The following MMS19 variants were observed in gnomAD, a reference collection of about 807,000 sequenced individuals.
The protein encoded by MMS19 is MMS19 cytosolic iron-sulfur assembly component.
A neutral mutation model predicts 129.8 loss-of-function variants in MMS19; 77 were observed. The ratio of observed to expected loss-of-function variants is 0.59; its 90% CI spans 0.49 to 0.72. The LOEUF is 0.72. MMS19 is among the 30% of genes least tolerant of loss of function. The pLI, the probability that MMS19 is intolerant of heterozygous loss-of-function variation, is 0.00. For synonymous variants in MMS19, 491 were observed against 502.8 expected (o/e 0.98, Z 0.31); for missense variants, 1,168 against 1,266.3 (o/e 0.92, Z 1.18).
intron 18 of MMS19, among the ~76,000 whole-genome samples, chr10:97,464,318 A>C (rs2032856054): frequency 6.6e-6 from 1 of 152,224 alleles, no homozygotes. Flanking sequence ...GGCACAATGA[A>C]ATACATGATC....
At chr10:97,460,814 T>C (rs1232788605) in intron 24 of MMS19, 63 bp from the exon 25 acceptor site, 9 of 1,543,738 alleles carry the variant, frequency 5.8e-6, no homozygotes, top group African/African-American at 1.4e-5. Flanking sequence ...CCCTGAGACA[T>C]AGATGTTTAT....
At chr10:97,484,786 A>G (rs2037520821) in intron 1 of MMS19, among the ~76,000 whole-genome samples, 1 of 152,220 alleles carries the variant, frequency 6.6e-6, no homozygotes. Context: ...GCGTGGTGGC[A>G]TGTGCCTGTG....
chr10:97,493,582 G>T (rs1024784333), intron 1 of MMS19, among the ~76,000 whole-genome samples: 3 of 152,168 alleles, frequency 2.0e-5, no homozygotes, highest in Non-Finnish European at 4.4e-5. Flanking sequence ...CAATCACAGT[G>T]TAACAAGTTC....
chr10:97,498,762 C>A (rs17112837), upstream of MMS19: 2,117 of 284,164 alleles, frequency 7.4e-3, 42 homozygotes, highest in East Asian at 0.062. Flanking sequence ...CACATGCGCA[C>A]CTGGGGCGGG....
chr10:97,476,936 G>A lies in MMS19; in HGVS notation c.521C>T (p.Thr174Ile), dbSNP rs765996017. Reference sequence around the variant, plus strand: ...ATCCATCACCTGGATGAAGCCAAAGGTGAAGTCAGCTCCTAGGCTCTTTAG... The same window carrying A: ...ATCCATCACCTGGATGAAGCCAAAGATGAAGTCAGCTCCTAGGCTCTTTAG... ...EELKSLGADF[T>I]FGFIQVMDGE... The change falls in exon 7 of 31, where the codon ACC becomes ATC. Residue 174 changes from threonine to isoleucine, a missense_variant. Transcript: ENST00000438925. 2 of 1,613,754 alleles carry A rather than the reference G, an allele frequency of 1.2e-6. No homozygotes were observed. The highest frequency in any genetic ancestry group is 8.5e-7 in the Non-Finnish European group (1 of 1,179,800).
At position 97,460,739 on chromosome 10, in the gene MMS19, G is replaced by T; in HGVS notation, c.2425C>A (p.Leu809Ile). The T allele has an allele frequency of 6.3e-7, 1 of 1,599,302 alleles. No homozygotes were observed. The highest frequency in any genetic ancestry group is 8.5e-7 in the Non-Finnish European group (1 of 1,172,470). Residue 809 changes from leucine to isoleucine, a missense_variant, in exon 25 of 31, where the codon CTA becomes ATA. Physicochemically the swap from Leu to Ile is conservative, Grantham distance 5. Transcript: ENST00000438925. ...FTLLLWVTKA[L>I]VLRYHPLSSC... is the part of the protein sequence containing the mutation. ...CTGAGAGGATGGTATCTGAGCACTA[G>T]GGCCTTTGTTACCTGTAATTGGAGA... is the stretch of plus-strand genomic sequence containing the variant.
intron 1 of MMS19, among the ~76,000 whole-genome samples, chr10:97,488,848 G>A (rs1186819596): frequency 1.3e-5 from 2 of 152,204 alleles, no homozygotes; most frequent in Non-Finnish European, 2.9e-5. Context: ...ATTCGTAACA[G>A]TAAATGACTG....
At chr10:97,469,784 T>C in intron 10 of MMS19, 61 bp from the exon 11 acceptor site, 1 of 1,454,534 alleles carries the variant, frequency 6.9e-7, no homozygotes, top group East Asian at 2.3e-5. Context: ...GATGTGCAGG[T>C]ACCTCAGCAT....
chr10:97,480,106 G>A (rs189619664), intron 3 of MMS19: 4 of 358,284 alleles, frequency 1.1e-5, no homozygotes, highest in Admixed American at 3.9e-5. Flanking sequence ...ATGGTGCCCT[G>A]CATTTGCATA....
intron 11 of MMS19, among the ~76,000 whole-genome samples, 166 bp downstream of exon 11, chr10:97,469,480 C>T (rs545033037): frequency 6.6e-6 from 1 of 152,320 alleles, no homozygotes; most frequent in East Asian, 1.9e-4. Flanking sequence ...GGGACTCTCT[C>T]TCTTGTCATT....
At chr10:97,463,236 A>G (rs1041221538) in intron 19 of MMS19, among the ~76,000 whole-genome samples, 1 of 151,626 alleles carries the variant, frequency 6.6e-6, no homozygotes, top group Non-Finnish European at 1.5e-5. Flanking sequence ...CAGAGGCACA[A>G]TCATGCCTCA....
Position 97,493,514 on chromosome 10 carries a change from C to T in MMS19, c.112+4759G>A, listed in dbSNP as rs904485133. On this transcript the variant is annotated intron_variant, in intron 1 of 30. Transcript: ENST00000438925. ...TGAGCCCAGAAGTTCTTCGAGGTCA[C>T]ACTGCACTCCAGCTGGGGCAACAGA... 3.3e-5 allele frequency among the ~76,000 whole-genome samples: 5 copies of T among 152,232 alleles called. No individual in the cohort carries two copies. In the East Asian group the frequency reaches 9.7e-4, roughly 29 times the overall value.
chr10:97,476,507 C>T (rs1444150911), intron 8 of MMS19, among the ~76,000 whole-genome samples, 176 bp downstream of exon 8: 1 of 152,180 alleles, frequency 6.6e-6, no homozygotes, highest in Non-Finnish European at 1.5e-5. Context: ...ATACATGCTG[C>T]TTTGAATCAT....
In MMS19 at chr10:97,461,640, A is replaced by G; in HGVS notation, c.2185-18T>C. ...ATTTCCACCTACAGAAAACCTGGCCATGTAATGGACCCAGAGAACACTTGA... is the reference window on the plus strand; with the variant it reads ...ATTTCCACCTACAGAAAACCTGGCCGTGTAATGGACCCAGAGAACACTTGA... On this transcript the variant is annotated intron_variant, in intron 22 of 30. Coordinates refer to ENST00000438925, the MANE Select transcript of MMS19 (RefSeq NM_022362.5). 1.3e-6 allele frequency: 2 copies of G among 1,594,548 alleles called. No individual in the cohort carries two copies. The highest frequency in any genetic ancestry group is 1.7e-6 in the Non-Finnish European group (2 of 1,170,514).
At chr10:97,468,522 A>C in intron 12 of MMS19, 116 bp from the exon 13 acceptor site, 5 of 1,039,338 alleles carry the variant, frequency 4.8e-6, no homozygotes, top group Non-Finnish European at 5.3e-6. Context: ...GTTAACACTC[A>C]AATTGTTTTC....
intron 1 of MMS19, among the ~76,000 whole-genome samples, chr10:97,496,842 A>G (rs892176839): frequency 6.6e-6 from 1 of 152,222 alleles, no homozygotes; most frequent in African/African-American, 2.4e-5. Flanking sequence ...AAAGTATTTA[A>G]AGGAAAGTGT....
Position 97,476,879 on chromosome 10 carries a change from G to C in MMS19, c.578C>G (p.Ala193Gly), listed in dbSNP as rs535727506. 5.9e-5 allele frequency: 96 copies of C among 1,613,894 alleles called. No individual in the cohort carries two copies. The highest frequency in any genetic ancestry group is 7.8e-5 in the Non-Finnish European group (92 of 1,179,902). Reference protein sequence around the residue: ...GEKDPRNLLVAFRIVHDLISR... With the variant: ...GEKDPRNLLVGFRIVHDLISR... Reference sequence around the variant, plus strand: ...GATGAGGTCATGGACGATGCGGAAGGCCACCAGAAGATTACGGGGATCCTT... The same window carrying C: ...GATGAGGTCATGGACGATGCGGAAGCCCACCAGAAGATTACGGGGATCCTT... The change falls in exon 7 of 31, where the codon GCC becomes GGC. Residue 193 changes from alanine to glycine, a missense_variant. Physicochemically the swap from Ala to Gly is moderately conservative, Grantham distance 60. Around this residue, in one of 3 missense-constraint regions of MMS19, gnomAD observed 329 missense variants for 328.6 expected, o/e 1.00. Transcript: ENST00000438925.
rs572136443 is a variant in MMS19, at chr10:97,474,522, TG to T, written c.684+2160del. 8.7e-4 allele frequency among the ~76,000 whole-genome samples: 132 copies of T among 152,292 alleles called. 1 individual carries two copies. Among genetic ancestry groups the T allele is most frequent in the South Asian group, 3.1e-3 (15 of 4,832 alleles). ...AGGATTGTGTTACTGCACTCCAGCC[TG>T]GGCAACAGAGTGAGACCCTGTCTGA... On this transcript the variant is annotated intron_variant, in intron 8 of 30. Coordinates refer to ENST00000438925, the MANE Select transcript of MMS19 (RefSeq NM_022362.5).
chr10:97,462,638 C>A lies in MMS19; in HGVS notation c.1957G>T (p.Val653Leu), dbSNP rs1458354992. 2 of 1,613,942 alleles carry A rather than the reference C, an allele frequency of 1.2e-6. No individual in the cohort carries two copies. The highest frequency in any genetic ancestry group is 1.7e-6 in the Non-Finnish European group (2 of 1,179,878). ...VLRKVLLEDE[V>L]LAAMVSVIGT... ...ATGACAGACACCATGGCAGCCAACA[C>A]CTCATCCTCCAATAGTACTTTTCTC... The change falls in exon 20 of 31, where the codon GTG (valine) becomes TTG (leucine). Residue 653 changes from valine to leucine, a missense_variant. By Grantham distance (32) the Val-to-Leu change is conservative. This residue lies in a region of MMS19 where 831 missense variants were observed against 910.8 expected (regional missense o/e 0.91). Transcript: ENST00000438925.
Sources: gnomAD v4.1 joint callset for allele counts (sites outside exome capture counted in the v4.1 genomes callset) on GRCh38, gnomAD v4.1.1 for gene constraint, gnomAD v4.1.1 regional missense constraint, MANE v1.5 for transcripts, NCBI Gene and HGNC (gene_info 2026-07-23, HGNC 2026-07-21) for gene names.